Variants in NRP1 observed in about 807,000 individuals in gnomAD.
NRP1 encodes neuropilin 1, also known as neuropilin-1.
In NRP1, 35 loss-of-function variants were observed where a neutral mutation model predicts 106.7. The ratio of observed to expected loss-of-function variants is 0.33; its 90% CI spans 0.25 to 0.43. NRP1 has a LOEUF of 0.43. Ranked by LOEUF, NRP1 falls within the 20% of genes least tolerant of loss-of-function variation. The pLI, the probability that NRP1 is intolerant of heterozygous loss-of-function variation, is 1.00. For missense variants in NRP1, 1,024 were observed against 1,170.4 expected (o/e 0.87, Z 1.83); for synonymous variants, 437 against 417.9 (o/e 1.05, Z -0.56).
intron 2 of NRP1, among the ~76,000 whole-genome samples, chr10:33,277,132 A>G (rs1462654875): frequency 6.6e-6 from 1 of 152,038 alleles, no homozygotes; most frequent in African/African-American, 2.4e-5. Flanking sequence ...AAAAGAAAAA[A>G]AATTGCTCAA....
chr10:33,206,839 C>CAAAG (rs770190687), intron 10 of NRP1, among the ~76,000 whole-genome samples: 18 of 152,180 alleles, frequency 1.2e-4, no homozygotes, highest in Non-Finnish European at 2.2e-4. Flanking sequence ...ATCATATGTT[C>CAAAG]AAAGAGAGTG....
intron 9 of NRP1, chr10:33,212,976 T>C (rs1186546914): frequency 1.3e-5 from 6 of 475,166 alleles, no homozygotes; most frequent in Non-Finnish European, 2.2e-5. Flanking sequence ...TGGCCCACAA[T>C]AAAAATTTAT....
chr10:33,286,336 G>T (rs1358929626), intron 2 of NRP1, among the ~76,000 whole-genome samples: 1 of 152,164 alleles, frequency 6.6e-6, no homozygotes, highest in East Asian at 1.9e-4. Flanking sequence ...GTCACAGAGG[G>T]AAGGATGGAT....
intron 6 of NRP1, chr10:33,249,479 G>A (rs760231692): frequency 1.9e-6 from 1 of 530,272 alleles, no homozygotes; most frequent in African/African-American, 1.9e-5. Flanking sequence ...TAATGGCCTG[G>A]GTTCTAATGA....
chr10:33,199,421 T>G (rs1588705748), intron 11 of NRP1, among the ~76,000 whole-genome samples: 1 of 113,978 alleles, frequency 8.8e-6, no homozygotes, highest in East Asian at 2.7e-4. Context: ...TTTTTTTTTT[T>G]GGCGGAGACA....
chr10:33,208,010 T>C (rs1837947481), intron 9 of NRP1, among the ~76,000 whole-genome samples: 1 of 152,116 alleles, frequency 6.6e-6, no homozygotes, highest in Non-Finnish European at 1.5e-5. Flanking sequence ...ACTTCAGTCT[T>C]ACCCTCCCTG....
chr10:33,219,539 T>C lies in NRP1; in HGVS notation c.1282+2180A>G, dbSNP rs78422831. On this transcript the variant is annotated intron_variant, in intron 8 of 16. Coordinates refer to ENST00000374867, the MANE Select transcript of NRP1 (RefSeq NM_003873.7). ...GCACCTTATTTGAAAAATAGCTACT[T>C]AATTATGTATGAAAATATTAGGATA... is the stretch of plus-strand genomic sequence containing the variant. Among the ~76,000 whole-genome samples the C allele has an allele frequency of 3.1e-3, 476 of 152,334 alleles. 11 individuals carry two copies. In the East Asian group the frequency reaches 0.06, roughly 19 times the overall value.
intron 6 of NRP1, among the ~76,000 whole-genome samples, chr10:33,247,457 C>A (rs1212673250): frequency 6.6e-6 from 1 of 152,156 alleles, no homozygotes; most frequent in Non-Finnish European, 1.5e-5. Flanking sequence ...CAACAACTCA[C>A]CACTCTGGAT....
chr10:33,283,609 G>A (rs1040731330), intron 2 of NRP1, among the ~76,000 whole-genome samples: 12 of 152,316 alleles, frequency 7.9e-5, no homozygotes, highest in Non-Finnish European at 1.3e-4. Flanking sequence ...CTAGCCAGTA[G>A]TTTTACATGA....
intron 13 of NRP1, among the ~76,000 whole-genome samples, chr10:33,187,400 C>T (rs1484157634): frequency 1.3e-5 from 2 of 151,742 alleles, no homozygotes; most frequent in Non-Finnish European, 2.9e-5. Flanking sequence ...ATTATTTTTC[C>T]CGTAGTTTGT....
At chr10:33,329,706 A>T (rs1375721918) in intron 2 of NRP1, among the ~76,000 whole-genome samples, 1 of 152,206 alleles carries the variant, frequency 6.6e-6, no homozygotes, top group Non-Finnish European at 1.5e-5. Flanking sequence ...CTATTTATAT[A>T]TGTACAAACT....
At chr10:33,200,165 G>A (rs1837168629) in intron 11 of NRP1, among the ~76,000 whole-genome samples, 1 of 152,174 alleles carries the variant, frequency 6.6e-6, no homozygotes, top group African/African-American at 2.4e-5. Flanking sequence ...ATAGGAGAAA[G>A]ATTCAAGGTG....
intron 12 of NRP1, among the ~76,000 whole-genome samples, chr10:33,196,562 T>C (rs1173602969): frequency 2.0e-5 from 3 of 152,194 alleles, no homozygotes; most frequent in Admixed American, 1.3e-4. Flanking sequence ...CACCATTTTC[T>C]GAATTTAGGC....
chr10:33,263,563 C>CATGT, intron 4 of NRP1, 83 bp downstream of exon 4: 1 of 964,324 alleles, frequency 1.0e-6, no homozygotes, highest in African/African-American at 1.6e-5. Context: ...TTTAATGATT[C>CATGT]ATGTATCATG....
intron 2 of NRP1, among the ~76,000 whole-genome samples, chr10:33,294,594 A>G (rs1292318522): frequency 6.7e-6 from 1 of 149,990 alleles, no homozygotes; most frequent in Non-Finnish European, 1.5e-5. Context: ...TTCAGCCTGG[A>G]CAACAAGAGT....
At position 33,221,776 on chromosome 10, in the gene NRP1, C is replaced by T. The variant is rs758460720; in HGVS notation, c.1225G>A (p.Ala409Thr). The change falls in exon 8 of 17, where the codon GCA (alanine) becomes ACA (threonine). Residue 409 changes from alanine to threonine, a missense_variant. Around this residue, in one of 5 missense-constraint regions of NRP1, gnomAD observed 562 missense variants for 620.3 expected, o/e 0.91. Coordinates refer to ENST00000374867, the MANE Select transcript of NRP1 (RefSeq NM_003873.7). ...LITRFVRIKP[A>T]TWETGISMRF... ...ATAGATATGCCAGTTTCCCAAGTTG[C>T]AGGCTTGATTCGGACAAATCGAGTT... The T allele has an allele frequency of 1.2e-5, 19 of 1,614,116 alleles. No individual in the cohort carries two copies. The South Asian group carries it at 2.1e-4, about 18-fold the overall frequency.
intron 4 of NRP1, among the ~76,000 whole-genome samples, chr10:33,260,965 A>C (rs1240232643): frequency 7.6e-6 from 1 of 132,360 alleles, no homozygotes; most frequent in Non-Finnish European, 1.6e-5. Context: ...TATGACACAA[A>C]TGTTTCTAGT....
At chr10:33,241,593 CAA>C (rs1392258215) in intron 6 of NRP1, among the ~76,000 whole-genome samples, 1 of 151,860 alleles carries the variant, frequency 6.6e-6, no homozygotes, top group Non-Finnish European at 1.5e-5. Flanking sequence ...TTGGAGGTGA[CAA>C]GAGGTGAAAT....
Position 33,207,423 on chromosome 10 carries a change from C to T in NRP1, c.1759+149G>A, listed in dbSNP as rs140712401. On this transcript the variant is annotated intron_variant, in intron 10 of 16. Coordinates refer to ENST00000374867, the MANE Select transcript of NRP1 (RefSeq NM_003873.7). ...TGCTGCCTTGTGACCTGTGTCAGAG[C>T]TTTGAGTCTCACTGATGGGCAGGCA... 122 of 772,594 alleles carry T rather than the reference C, an allele frequency of 1.6e-4. No individual in the cohort carries two copies. In the African/African-American group the frequency reaches 1.9e-3, roughly 12 times the overall value. The allele number at this position is 772,594 out of a possible 1,614,324, so 47.9% of individuals were successfully genotyped here. A position where few individuals can be genotyped will look rare whatever the true frequency, so the allele number is the denominator to read the frequency against.
Sources: gnomAD v4.1 joint callset for allele counts (sites outside exome capture counted in the v4.1 genomes callset) on GRCh38, gnomAD v4.1.1 for gene constraint, gnomAD v4.1.1 regional missense constraint, MANE v1.5 for transcripts, NCBI Gene and HGNC (gene_info 2026-07-23, HGNC 2026-07-21) for gene names.